Variants in TRDN observed in about 807,000 individuals in gnomAD.
The protein encoded by TRDN is triadin in skeletal muscle.
Under a neutral mutation model 149.7 loss-of-function variants are expected in TRDN, and 161 were observed. The observed-to-expected ratio is 1.08, with a 90% CI of 0.95 to 1.23. TRDN has a LOEUF of 1.23. Ranked by LOEUF, TRDN falls within the 50% of genes most tolerant of loss-of-function variation. The probability of loss-of-function intolerance (pLI) is 0.00; values close to 1 mark genes in which losing one functional copy is unlikely to be tolerated. For missense variants in TRDN, 896 were observed against 823.5 expected (o/e 1.09, Z -1.08); for synonymous variants, 294 against 250.5 (o/e 1.17, Z -1.64).
intron 29 of TRDN, 121 bp downstream of exon 29, chr6:123,272,843 G>A: frequency 1.3e-6 from 1 of 759,786 alleles, no homozygotes; most frequent in Non-Finnish European, 2.1e-6. Context: ...TGGTCTAGAA[G>A]CTTATGACTT....
chr6:123,392,588 A>G (rs1200811401), intron 13 of TRDN, among the ~76,000 whole-genome samples: 5 of 152,022 alleles, frequency 3.3e-5, no homozygotes, highest in African/African-American at 1.2e-4. Flanking sequence ...ATCGTTCATA[A>G]TATTTACTAT....
In TRDN at chr6:123,416,518, C is replaced by T. The variant is rs77447704; in HGVS notation, c.1051+21545G>A. Among the ~76,000 whole-genome samples, 467 of 152,286 alleles carry T rather than the reference C, an allele frequency of 3.1e-3. 13 individuals are homozygous for T. The East Asian group carries it at 0.076, about 25-fold the overall frequency. On this transcript the variant is annotated intron_variant, in intron 12 of 40. Coordinates refer to ENST00000334268, the MANE Select transcript of TRDN (RefSeq NM_006073.4). ...ATCTCCTTAGACAGCCCTTCCCAGA[C>T]CACCCAGTGAAAACACAGCACCTTC...
intron 1 of TRDN, among the ~76,000 whole-genome samples, chr6:123,582,709 C>T (rs1452495938): frequency 6.6e-6 from 1 of 152,104 alleles, no homozygotes; most frequent in Non-Finnish European, 1.5e-5. Flanking sequence ...GATATGATGG[C>T]TTAGCTTGGG....
At chr6:123,395,157 T>C (rs752404983) in intron 12 of TRDN, among the ~76,000 whole-genome samples, 3 of 152,310 alleles carry the variant, frequency 2.0e-5, no homozygotes, top group Admixed American at 2.0e-4. Flanking sequence ...GTAAAGTACC[T>C]TAGAATTTGT....
intron 24 of TRDN, among the ~76,000 whole-genome samples, chr6:123,285,674 A>G (rs1335349938): frequency 6.6e-6 from 1 of 152,166 alleles, no homozygotes; most frequent in Non-Finnish European, 1.5e-5. Context: ...AACAAAAACT[A>G]TGATAAATCG....
intron 21 of TRDN, among the ~76,000 whole-genome samples, chr6:123,342,014 C>T (rs1469314392): frequency 6.6e-6 from 1 of 151,936 alleles, no homozygotes; most frequent in Non-Finnish European, 1.5e-5. Flanking sequence ...TTTCCTTTGA[C>T]TAAATTCTGG....
At chr6:123,269,003 G>T (rs534117778) in intron 31 of TRDN, among the ~76,000 whole-genome samples, 1 of 151,834 alleles carries the variant, frequency 6.6e-6, no homozygotes, top group African/African-American at 2.4e-5. Flanking sequence ...TGTGTCACAC[G>T]TTCACCTTTG....
rs552442867 is a variant in TRDN, at chr6:123,598,799, C to T, written c.23-27667G>A. ...TACAAAAAGAGTTCGCCAATTTCTG[C>T]TCTTTTAATCTAGAAAAGTAACTGA... On this transcript the variant is annotated intron_variant, in intron 1 of 40. Coordinates refer to ENST00000334268, the MANE Select transcript of TRDN (RefSeq NM_006073.4). Among the ~76,000 whole-genome samples the T allele has an allele frequency of 1.3e-4, 20 of 152,172 alleles. No homozygotes were observed. The South Asian group carries it at 2.9e-3, about 22-fold the overall frequency.
intron 19 of TRDN, among the ~76,000 whole-genome samples, chr6:123,367,938 T>C (rs1177418405): frequency 6.6e-6 from 1 of 152,178 alleles, no homozygotes; most frequent in Non-Finnish European, 1.5e-5. Context: ...ACAGAGTCCA[T>C]ATGGCTCTGT....
At chr6:123,601,453 G>A (rs1784273740) in intron 1 of TRDN, among the ~76,000 whole-genome samples, 1 of 152,112 alleles carries the variant, frequency 6.6e-6, no homozygotes, top group African/African-American at 2.4e-5. Context: ...TTGAATAGCA[G>A]GTTTCATCAT....
At chr6:123,529,608 AC>A (rs1329781753) in intron 5 of TRDN, among the ~76,000 whole-genome samples, 1 of 152,076 alleles carries the variant, frequency 6.6e-6, no homozygotes, top group Non-Finnish European at 1.5e-5. Context: ...TTGAAAATTT[AC>A]TAGCTGCAAC....
intron 24 of TRDN, among the ~76,000 whole-genome samples, chr6:123,290,656 A>T (rs1316758105): frequency 6.6e-5 from 10 of 152,208 alleles, no homozygotes; most frequent in Admixed American, 6.5e-4. Context: ...AAAATGATAG[A>T]ATAATCCTCA....
intron 23 of TRDN, among the ~76,000 whole-genome samples, chr6:123,326,034 G>C (rs6926492): frequency 0.014 from 2,144 of 152,208 alleles, 64 homozygotes; most frequent in African/African-American, 0.048. Context: ...ATAGCAGAGA[G>C]AGTGATTACT....
In TRDN at chr6:123,280,870, T is replaced by A. The variant is rs577563653; in HGVS notation, c.1511-1788A>T. On this transcript the variant is annotated intron_variant, in intron 24 of 40. Coordinates refer to ENST00000334268, the MANE Select transcript of TRDN (RefSeq NM_006073.4). ...GTGAGATATTTGGGGACAGTGGTCA[T>A]GTGTATCTATCATTGAATGCAGGGA... is the stretch of plus-strand genomic sequence containing the variant. Among the ~76,000 whole-genome samples, 17 of 152,212 alleles carry A rather than the reference T, an allele frequency of 1.1e-4. No individual in the cohort carries two copies. In the South Asian group the frequency reaches 3.5e-3, roughly 32 times the overall value.
At chr6:123,455,428 GTGTGTGTGTGTC>G (rs1190113380) in intron 10 of TRDN, among the ~76,000 whole-genome samples, 1 of 149,576 alleles carries the variant, frequency 6.7e-6, no homozygotes, top group East Asian at 1.9e-4. Context: ...GTGTGTGTGT[GTGTGTGTGTGTC>G]TGTGTGTGTT....
chr6:123,620,066 C>A (rs966985664), intron 1 of TRDN, among the ~76,000 whole-genome samples: 1 of 152,130 alleles, frequency 6.6e-6, no homozygotes, highest in East Asian at 1.9e-4. Context: ...TGCATGATCA[C>A]AAATTTATCA....
chr6:123,551,949 C>T (rs1386141812), intron 2 of TRDN, among the ~76,000 whole-genome samples: 1 of 152,018 alleles, frequency 6.6e-6, no homozygotes, highest in Non-Finnish European at 1.5e-5. Flanking sequence ...AATAAAAAAG[C>T]TTGCAGCTGC....
intron 39 of TRDN, among the ~76,000 whole-genome samples, 153 bp downstream of exon 39, chr6:123,223,940 C>G (rs974454787): frequency 1.3e-5 from 2 of 150,346 alleles, no homozygotes; most frequent in Non-Finnish European, 3.0e-5. Flanking sequence ...TGTTAAAAAG[C>G]TGTTTGCTTT....
intron 12 of TRDN, among the ~76,000 whole-genome samples, chr6:123,416,104 T>C (rs1209669868): frequency 6.6e-6 from 1 of 152,150 alleles, no homozygotes; most frequent in Non-Finnish European, 1.5e-5. Context: ...GTGACAGCAG[T>C]GTCACTAAAG....
Sources: gnomAD v4.1 joint callset for allele counts (sites outside exome capture counted in the v4.1 genomes callset) on GRCh38, gnomAD v4.1.1 for gene constraint, MANE v1.5 for transcripts, NCBI Gene and HGNC (gene_info 2026-07-23, HGNC 2026-07-21) for gene names.